Variants in YTHDF2 observed in about 807,000 individuals in gnomAD.
YTHDF2 encodes YTH N6-methyladenosine RNA binding protein F2.
A neutral mutation model predicts 50.4 loss-of-function variants in YTHDF2; 2 were observed. The observed-to-expected ratio is 0.04, with a 90% confidence interval of 0.02 to 0.12. The LOEUF (loss-of-function observed/expected upper bound fraction) is 0.12. Among genes scored for constraint, YTHDF2 ranks in the 10% least tolerant of loss-of-function variants. The probability of loss-of-function intolerance (pLI) is 1.00; values close to 1 mark genes in which losing one functional copy is unlikely to be tolerated. For synonymous variants in YTHDF2, 217 were observed against 255.6 expected (o/e 0.85, Z 1.44); for missense variants, 483 against 722.6 (o/e 0.67, Z 3.80).
In YTHDF2 at chr1:28,738,322, G is replaced by A. The variant is rs1381003024; in HGVS notation, c.116G>A (p.Ser39Asn). The A allele has an allele frequency of 2.5e-6, 4 of 1,613,978 alleles. No individual in the cohort carries two copies. The highest frequency in any genetic ancestry group is 2.7e-5 in the African/African-American group (2 of 74,902). The change falls in exon 3 of 5, where the codon AGT becomes AAT. Residue 39 changes from serine to asparagine, a missense_variant. Ser to Asn is a conservative substitution (Grantham distance 46). Transcript: ENST00000373812. ...GATGATGATTTTGAACCTTACTTGA[G>A]TCCACAGGCAAGGCCCGTGAGTAGT... ...LNDDDFEPYL[S>N]PQARPNNAYT...
chr1:28,737,599 TC>T, intron 1 of YTHDF2, 58 bp from the exon 2 acceptor site: 1 of 1,612,648 alleles, frequency 6.2e-7, no homozygotes, highest in Non-Finnish European at 8.5e-7. Flanking sequence ...AATTTGTTCT[TC>T]CTTTTCCATT....
intron 4 of YTHDF2, among the ~76,000 whole-genome samples, chr1:28,749,018 CAGAAA>C (rs1326520355): frequency 8.6e-5 from 13 of 152,038 alleles, no homozygotes; most frequent in Admixed American, 2.0e-4. Flanking sequence ...ACCACAAACT[CAGAAA>C]TTCTTACTAA....
At chr1:28,740,766 C>T (rs1246466750) in intron 3 of YTHDF2, among the ~76,000 whole-genome samples, 12 of 152,082 alleles carry the variant, frequency 7.9e-5, no homozygotes, top group African/African-American at 1.4e-4. Context: ...TGCAGTGGTG[C>T]GATCTCGGCT....
chr1:28,762,753 CA>C (rs2088154489), intron 4 of YTHDF2, among the ~76,000 whole-genome samples: 1 of 152,158 alleles, frequency 6.6e-6, no homozygotes, highest in Admixed American at 6.6e-5. Context: ...GAAGAGATTG[CA>C]TATGTGCAGA....
intron 1 of YTHDF2, 67 bp downstream of exon 1, chr1:28,737,214 C>G: frequency 6.6e-7 from 1 of 1,510,750 alleles, no homozygotes. Context: ...AGGCCCGGGC[C>G]CGCCGCTCCT....
chr1:28,757,436 T>G (rs1244665119), intron 4 of YTHDF2, among the ~76,000 whole-genome samples: 2 of 105,600 alleles, frequency 1.9e-5, no homozygotes, highest in Non-Finnish European at 4.6e-5. Context: ...TTGTTCTACT[T>G]TCCAACTCAT....
In YTHDF2 at chr1:28,749,402, G is replaced by T. The variant is rs562551912; in HGVS notation, c.1716+5416G>T. 6.6e-5 allele frequency among the ~76,000 whole-genome samples: 10 copies of T among 151,956 alleles called. 2 individuals carry two copies. The highest frequency in any genetic ancestry group is 2.1e-4 in the South Asian group (1 of 4,824). On this transcript the variant is annotated intron_variant, in intron 4 of 4. Transcript: ENST00000373812. ...TCACCGTGTTAGCCAGGATGGTCTC[G>T]ATCTCCTGACCTCATGATCTGCCCG...
intron 4 of YTHDF2, among the ~76,000 whole-genome samples, chr1:28,764,210 C>G (rs1207926242): frequency 5.3e-5 from 8 of 151,810 alleles, no homozygotes; most frequent in Admixed American, 2.6e-4. Flanking sequence ...CTCGGCCTCC[C>G]AAAGTGCTGG....
intron 1 of YTHDF2, chr1:28,737,444 G>C (rs1570457766): frequency 1.5e-6 from 1 of 672,826 alleles, no homozygotes; most frequent in East Asian, 3.1e-5. Flanking sequence ...TCCTCGCGTC[G>C]CCGGTGGCGC....
intron 2 of YTHDF2, among the ~76,000 whole-genome samples, chr1:28,738,001 G>T (rs1349380956): frequency 6.6e-6 from 1 of 152,114 alleles, no homozygotes; most frequent in Non-Finnish European, 1.5e-5. Flanking sequence ...CATGTGATGG[G>T]GGAGGGGAAG....
chr1:28,745,554 C>T (rs376512178), intron 4 of YTHDF2, among the ~76,000 whole-genome samples: 32 of 151,970 alleles, frequency 2.1e-4, no homozygotes, highest in African/African-American at 5.5e-4. Flanking sequence ...GGAGAAACCC[C>T]GTTTCTATTA....
intron 4 of YTHDF2, among the ~76,000 whole-genome samples, chr1:28,757,780 T>C (rs1393290715): frequency 6.7e-6 from 1 of 150,260 alleles, no homozygotes; most frequent in Non-Finnish European, 1.5e-5. Flanking sequence ...AAACTACTCA[T>C]CTTGGCATTT....
intron 4 of YTHDF2, among the ~76,000 whole-genome samples, chr1:28,760,294 T>A (rs2088100418): frequency 6.6e-6 from 1 of 151,656 alleles, no homozygotes; most frequent in South Asian, 2.1e-4. Flanking sequence ...TGTGTGTGTG[T>A]GTGTGTGTGT....
chr1:28,742,853 G>T lies in YTHDF2; in HGVS notation c.583G>T (p.Gly195Cys). The change falls in exon 4 of 5, where the codon GGT (glycine) becomes TGT (cysteine). Residue 195 changes from glycine to cysteine, a missense_variant. This residue lies in a region of YTHDF2 where 385 missense variants were observed against 475.8 expected (regional missense o/e 0.81). Transcript: ENST00000373812. ...IDQGMAALKL[G>C]STEVASNVPK... ...CCAAGGGATGGCAGCACTGAAGTTGGGTAGCACAGAAGTTGCAAGCAATGT... is the reference window on the plus strand; with the variant it reads ...CCAAGGGATGGCAGCACTGAAGTTGTGTAGCACAGAAGTTGCAAGCAATGT... 1 of 1,614,120 alleles carries T rather than the reference G, an allele frequency of 6.2e-7. No individual in the cohort carries two copies.
chr1:28,764,784 CCCACCTTCCTCGG>C (rs1323983280), intron 4 of YTHDF2, among the ~76,000 whole-genome samples: 1 of 151,678 alleles, frequency 6.6e-6, no homozygotes, highest in Non-Finnish European at 1.5e-5. Context: ...CTCAGGTGAT[CCCACCTTCCTCGG>C]CCTCCTAGAG....
intron 3 of YTHDF2, among the ~76,000 whole-genome samples, chr1:28,739,803 T>G (rs1414322706): frequency 1.3e-5 from 2 of 152,242 alleles, no homozygotes; most frequent in Non-Finnish European, 2.9e-5. Context: ...GACCTGTGCA[T>G]GTAGAAACTT....
At chr1:28,736,881 G>A (rs2087695468), upstream of YTHDF2, 3 of 469,076 alleles carry the variant, frequency 6.4e-6, no homozygotes, top group South Asian at 4.6e-5. Flanking sequence ...CTCTGCTTTA[G>A]GCGGTGGGGG....
chr1:28,742,571 C>A lies in YTHDF2; in HGVS notation c.301C>A (p.Pro101Thr). The A allele has an allele frequency of 1.2e-6, 2 of 1,614,000 alleles. No individual in the cohort carries two copies. The highest frequency in any genetic ancestry group is 1.6e-4 in the Middle Eastern group (1 of 6,062). ...QLSNGEPHFL[P>T]DAMFGQPGAL... ...GAGCAACGGAGAGCCCCACTTCCTA[C>A]CAGATGCAATGTTTGGGCAACCAGG... The change falls in exon 4 of 5, where the codon CCA (proline) becomes ACA (threonine). Residue 101 changes from proline to threonine, a missense_variant. Pro to Thr is a conservative substitution (Grantham distance 38). This residue lies in a region of YTHDF2 where 385 missense variants were observed against 475.8 expected (regional missense o/e 0.81). Coordinates refer to ENST00000373812, the MANE Select transcript of YTHDF2 (RefSeq NM_016258.3).
intron 2 of YTHDF2, 91 bp downstream of exon 2, chr1:28,737,773 C>G: frequency 1.3e-6 from 2 of 1,500,482 alleles, no homozygotes; most frequent in Non-Finnish European, 1.8e-6. Context: ...GGCGGAGGAC[C>G]TTTCGGAAGC....
Sources: allele counts gnomAD v4.1 joint callset (sites outside exome capture counted in the v4.1 genomes callset), GRCh38; gene constraint gnomAD v4.1.1; regional missense constraint gnomAD v4.1.1; transcripts MANE v1.5; gene names NCBI Gene and HGNC (gene_info 2026-07-23, HGNC 2026-07-21).